SEPTIN14: variants seen among roughly 807,000 people sequenced by gnomAD.
SEPTIN14 encodes septin 14.
Under a neutral mutation model 53.6 loss-of-function variants are expected in SEPTIN14, and 40 were observed. The ratio of observed to expected loss-of-function variants is 0.75; its 90% CI spans 0.58 to 0.97. SEPTIN14 has a LOEUF of 0.97. Among genes scored for constraint, SEPTIN14 ranks in the 50% least tolerant of loss-of-function variants. The pLI is 0.00. For synonymous variants in SEPTIN14, 138 were observed against 166.8 expected (o/e 0.83, Z 1.33); for missense variants, 471 against 508.2 (o/e 0.93, Z 0.70).
chr7:55,805,386 G>T lies in SEPTIN14; in HGVS notation c.991C>A (p.Gln331Lys), dbSNP rs201007019. ...TGTCTTTTGGCTTCAAAGATTTCTT[G>T]AAAACTAAAGAGAAATGTTTTCTTA... ...VGPNNQPVSF[Q>K]EIFEAKRQEF... The change falls in exon 9 of 10, where the codon CAA (glutamine) becomes AAA (lysine). Residue 331 changes from glutamine to lysine, a missense_variant. Coordinates refer to ENST00000388975, the MANE Select transcript of SEPTIN14 (RefSeq NM_207366.3). 1,452 of 1,572,128 alleles carry T rather than the reference G, an allele frequency of 9.2e-4. 2 individuals are homozygous for T. The highest frequency in any genetic ancestry group is 1.2e-3 in the Non-Finnish European group (1,378 of 1,157,384).
chr7:55,821,001 T>C (rs1415174516), intron 6 of SEPTIN14, among the ~76,000 whole-genome samples: 1 of 152,184 alleles, frequency 6.6e-6, no homozygotes, highest in Non-Finnish European at 1.5e-5. Flanking sequence ...TTTAGGTATT[T>C]ACTAGCCTAA....
At chr7:55,840,177 C>T (rs1190389760) in intron 5 of SEPTIN14, among the ~76,000 whole-genome samples, 1 of 147,136 alleles carries the variant, frequency 6.8e-6, no homozygotes, top group East Asian at 2.0e-4. Context: ...CCTAAACTGA[C>T]TGGCACCCTT....
chr7:55,836,477 G>T (rs1005157333), intron 5 of SEPTIN14, among the ~76,000 whole-genome samples: 1 of 152,120 alleles, frequency 6.6e-6, no homozygotes, highest in South Asian at 2.1e-4. Flanking sequence ...AGTGGCTCAC[G>T]CCTGTAATCC....
At position 55,844,600 on chromosome 7, in the gene SEPTIN14, A is replaced by C; in HGVS notation, c.294T>G (p.Leu98=). 1 of 1,610,398 alleles carries C rather than the reference A, an allele frequency of 6.2e-7. No individual in the cohort carries two copies. Among genetic ancestry groups the C allele is most frequent in the Non-Finnish European group, 8.5e-7 (1 of 1,177,262 alleles). ...ATTTCAACTGAACATTGCTTTCCTG[A>C]AGTTCATATGTCTGAATTTGAAGTC... The part of the protein sequence containing the change: ...NVGLQIQTYE[L]QESNVQLKLT... Residue 98 remains leucine (L), a synonymous_variant, in exon 4 of 10, where the codon CTT becomes CTG. Coordinates refer to ENST00000388975, the MANE Select transcript of SEPTIN14 (RefSeq NM_207366.3).
Position 55,861,993 on chromosome 7 carries a change from C to G in SEPTIN14, c.4G>C (p.Ala2Pro). 2 of 1,576,730 alleles carry G rather than the reference C, an allele frequency of 1.3e-6. No individual in the cohort carries two copies. The highest frequency in any genetic ancestry group is 2.1e-4 in the Middle Eastern group (1 of 4,760). Residue 2 changes from alanine (A) to proline (P), a missense_variant, in exon 2 of 10, where the codon GCA becomes CCA. Physicochemically the swap from Ala to Pro is conservative, Grantham distance 27. Transcript: ENST00000388975. ...GTGGGCATAGCCATTGTTCTTTCTGCCATGCTACACTAAAAGAGCTGGAAA... is the reference window on the plus strand; with the variant it reads ...GTGGGCATAGCCATTGTTCTTTCTGGCATGCTACACTAAAAGAGCTGGAAA... M[A>P]ERTMAMPTQI...
At chr7:55,845,056 T>A (rs1789379092) in intron 3 of SEPTIN14, among the ~76,000 whole-genome samples, 1 of 152,114 alleles carries the variant, frequency 6.6e-6, no homozygotes. Context: ...TTTTATCTGA[T>A]CCTCTCCCTC....
At chr7:55,814,533 T>G (rs1788760809) in intron 7 of SEPTIN14, among the ~76,000 whole-genome samples, 2 of 151,840 alleles carry the variant, frequency 1.3e-5, no homozygotes, top group Non-Finnish European at 2.9e-5. Context: ...GAAAAAGAAA[T>G]AAAAACTAAT....
intron 2 of SEPTIN14, among the ~76,000 whole-genome samples, chr7:55,854,695 T>C (rs1789582209): frequency 6.6e-6 from 1 of 152,128 alleles, no homozygotes; most frequent in South Asian, 2.1e-4. Flanking sequence ...CCCAAAGTGC[T>C]GGGATTACAG....
Position 55,805,315 on chromosome 7 carries a change from C to T in SEPTIN14, c.1062G>A (p.Gln354=). ...QCQREEEELK[Q]RFMQRVKEKE... ...TCTCCTTGACTCGCTGCATAAATCT[C>T]TGTTTCAACTCTTCTTCTTCCCTCT... Residue 354 remains glutamine (Q), a synonymous_variant, in exon 9 of 10, where the codon CAG becomes CAA. Coordinates refer to ENST00000388975, the MANE Select transcript of SEPTIN14 (RefSeq NM_207366.3). 1 of 1,610,518 alleles carries T rather than the reference C, an allele frequency of 6.2e-7. No homozygotes were observed. The highest frequency in any genetic ancestry group is 8.5e-7 in the Non-Finnish European group (1 of 1,177,934).
At chr7:55,799,086 T>C (rs950611803) in intron 9 of SEPTIN14, among the ~76,000 whole-genome samples, 5 of 152,068 alleles carry the variant, frequency 3.3e-5, no homozygotes, top group Non-Finnish European at 7.4e-5. Flanking sequence ...TAAAAGTAAA[T>C]AGATTAAGCC....
At chr7:55,839,496 T>C (rs1432915681) in intron 5 of SEPTIN14, among the ~76,000 whole-genome samples, 1 of 152,200 alleles carries the variant, frequency 6.6e-6, no homozygotes, top group Non-Finnish European at 1.5e-5. Context: ...TAGTTACTAT[T>C]GTTAGCTTCG....
chr7:55,806,778 A>G (rs1479678223), intron 8 of SEPTIN14, among the ~76,000 whole-genome samples: 1 of 152,134 alleles, frequency 6.6e-6, no homozygotes, highest in Non-Finnish European at 1.5e-5. Context: ...TTTCTTTCAC[A>G]TAATACAGAT....
chr7:55,857,948 G>A (rs1328780319), intron 2 of SEPTIN14, among the ~76,000 whole-genome samples: 1 of 151,956 alleles, frequency 6.6e-6, no homozygotes, highest in Non-Finnish European at 1.5e-5. Context: ...TTTTCTCCTT[G>A]AACTCAACTA....
At chr7:55,823,379 C>G (rs1172204073) in intron 6 of SEPTIN14, among the ~76,000 whole-genome samples, 1 of 152,194 alleles carries the variant, frequency 6.6e-6, no homozygotes, top group Non-Finnish European at 1.5e-5. Context: ...CCCCCAGGTC[C>G]CCTCTCCACT....
At chr7:55,858,337 G>A (rs1217843338) in intron 2 of SEPTIN14, among the ~76,000 whole-genome samples, 2 of 152,184 alleles carry the variant, frequency 1.3e-5, no homozygotes, top group African/African-American at 4.8e-5. Flanking sequence ...TCATCACCAG[G>A]CTAACTGCTG....
intron 8 of SEPTIN14, among the ~76,000 whole-genome samples, 200 bp from the exon 9 acceptor site, chr7:55,805,590 T>A (rs1197837302): frequency 6.6e-6 from 1 of 152,152 alleles, no homozygotes; most frequent in Non-Finnish European, 1.5e-5. Flanking sequence ...ATATATATTG[T>A]ATGTTACATC....
At chr7:55,844,470 C>A in intron 4 of SEPTIN14, 53 bp downstream of exon 4, 1 of 1,047,742 alleles carries the variant, frequency 9.5e-7, no homozygotes, top group South Asian at 2.4e-5. Flanking sequence ...CAAAGGAAGT[C>A]AAATTCCTTG....
chr7:55,846,603 A>G lies in SEPTIN14; in HGVS notation c.89T>C (p.Ile30Thr), dbSNP rs763168841. ...KENNIRCLTT[I>T]GHFGFECLPN... is the part of the protein sequence containing the mutation. ...CAAACATTCAAAACCAAAATGTCCAATCGTAGTTAAACAACGAATATTATT... is the reference window on the plus strand; with the variant it reads ...CAAACATTCAAAACCAAAATGTCCAGTCGTAGTTAAACAACGAATATTATT... Residue 30 changes from isoleucine (I) to threonine (T), a missense_variant, in exon 3 of 10, where the codon ATT (isoleucine) becomes ACT (threonine). Transcript: ENST00000388975. 1.4e-5 allele frequency: 21 copies of G among 1,503,388 alleles called. No individual in the cohort carries two copies. Among genetic ancestry groups the G allele is most frequent in the Non-Finnish European group, 1.8e-5 (19 of 1,083,752 alleles). 93.1% of individuals were successfully genotyped at this position (1,503,388 alleles called of 1,614,324 possible). A position where few individuals can be genotyped will look rare whatever the true frequency, so the allele number is the denominator to read the frequency against.
chr7:55,862,151 A>G, intron 1 of SEPTIN14, 140 bp from the exon 2 acceptor site: 1 of 595,946 alleles, frequency 1.7e-6, no homozygotes, highest in East Asian at 3.0e-5. Flanking sequence ...CATCTGTTTT[A>G]AACTGTGGCT....
Sources: gnomAD v4.1 joint callset for allele counts (sites outside exome capture counted in the v4.1 genomes callset) on GRCh38, gnomAD v4.1.1 for gene constraint, MANE v1.5 for transcripts, NCBI Gene and HGNC (gene_info 2026-07-23, HGNC 2026-07-21) for gene names.